The following PRIM2 variants were observed in gnomAD, a reference collection of about 807,000 sequenced individuals.
The protein encoded by PRIM2 is DNA primase large subunit.
In PRIM2, 39 loss-of-function variants were observed where a neutral mutation model predicts 67.3. The observed-to-expected ratio is 0.58, with a 90% CI of 0.45 to 0.76. PRIM2 has a LOEUF of 0.76. PRIM2 is among the 30% of genes least tolerant of loss of function. The pLI, the probability that PRIM2 is intolerant of heterozygous loss-of-function variation, is 0.00. For synonymous variants in PRIM2, 143 were observed against 198.7 expected (o/e 0.72, Z 2.36); for missense variants, 398 against 598.7 (o/e 0.66, Z 3.50).
At chr6:57,539,129 C>T (rs1324017952) in intron 10 of PRIM2, among the ~76,000 whole-genome samples, 9 of 152,106 alleles carry the variant, frequency 5.9e-5, no homozygotes, top group African/African-American at 2.2e-4. Context: ...AATGAAGTCA[C>T]TTAATAGGAT....
chr6:57,312,354 C>T (rs1031768622), upstream of PRIM2, among the ~76,000 whole-genome samples: 1 of 151,950 alleles, frequency 6.6e-6, no homozygotes, highest in African/African-American at 2.4e-5. Flanking sequence ...ATTTAAAAAT[C>T]AGCCAGTCTT....
chr6:57,519,283 C>G (rs1250277430), intron 8 of PRIM2, among the ~76,000 whole-genome samples: 1 of 152,180 alleles, frequency 6.6e-6, no homozygotes, highest in Admixed American at 6.5e-5. Context: ...TTGAGATCAA[C>G]TGGTCTGACC....
the PRIM2 span, among the ~76,000 whole-genome samples, chr6:57,293,892 C>A: frequency 6.6e-6 from 1 of 151,944 alleles, no homozygotes; most frequent in Admixed American, 6.6e-5. Flanking sequence ...GTGCAGCAAA[C>A]CAACATGGCA....
intron 8 of PRIM2, among the ~76,000 whole-genome samples, chr6:57,520,413 G>A (rs1197750350): frequency 6.6e-6 from 1 of 152,006 alleles, no homozygotes; most frequent in Non-Finnish European, 1.5e-5. Context: ...CTTTACTGTA[G>A]TCATTTGACT....
At chr6:57,459,867 A>G (rs1195664243) in intron 7 of PRIM2, among the ~76,000 whole-genome samples, 1 of 152,194 alleles carries the variant, frequency 6.6e-6, no homozygotes, top group African/African-American at 2.4e-5. Context: ...CTCGATTAGT[A>G]TTTGACCAAC....
At chr6:57,589,626 T>C (rs1328340489) in intron 10 of PRIM2, among the ~76,000 whole-genome samples, 1 of 152,244 alleles carries the variant, frequency 6.6e-6, no homozygotes, top group Non-Finnish European at 1.5e-5. Flanking sequence ...AGCAGACCGC[T>C]GTGCATCCAA....
chr6:57,366,155 A>G (rs1435747921), intron 5 of PRIM2, among the ~76,000 whole-genome samples: 1 of 152,106 alleles, frequency 6.6e-6, no homozygotes, highest in Non-Finnish European at 1.5e-5. Context: ...ATCTGGTGCA[A>G]CTTTGCAGAG....
intron 10 of PRIM2, among the ~76,000 whole-genome samples, chr6:57,562,799 C>T (rs1181542046): frequency 4.6e-5 from 7 of 152,118 alleles, no homozygotes; most frequent in East Asian, 1.9e-4. Flanking sequence ...TCTCTCATAC[C>T]GATGCTCTCA....
intron 8 of PRIM2, among the ~76,000 whole-genome samples, chr6:57,514,760 G>T (rs1554348053): frequency 6.6e-6 from 1 of 152,006 alleles, no homozygotes; most frequent in Non-Finnish European, 1.5e-5. Flanking sequence ...ACTATAATTG[G>T]TACTGATTAT....
chr6:57,448,329 G>A (rs1158433738), intron 7 of PRIM2, among the ~76,000 whole-genome samples: 1 of 152,038 alleles, frequency 6.6e-6, no homozygotes, highest in Non-Finnish European at 1.5e-5. Flanking sequence ...GTTTTTTGAG[G>A]CATCAACATA....
chr6:57,604,221 G>T (rs1300034805), intron 11 of PRIM2, among the ~76,000 whole-genome samples: 2 of 152,132 alleles, frequency 1.3e-5, no homozygotes, highest in Non-Finnish European at 2.9e-5. Context: ...GGAGGCAGAG[G>T]TTGCAGTTGG....
chr6:57,542,624 A>G (rs1268215245), intron 10 of PRIM2, among the ~76,000 whole-genome samples: 4 of 152,066 alleles, frequency 2.6e-5, no homozygotes, highest in African/African-American at 9.7e-5. Context: ...TTAGTTTTCT[A>G]GATAACATAT....
intron 7 of PRIM2, among the ~76,000 whole-genome samples, chr6:57,424,193 G>A (rs1771551066): frequency 1.3e-5 from 2 of 151,988 alleles, no homozygotes; most frequent in African/African-American, 4.8e-5. Context: ...TGTTTTTTCA[G>A]TGTTAGCTGT....
rs1233261839 is a variant in PRIM2, at chr6:57,595,619, G to A, written c.1021-5474G>A. ...CAACCCCCTTCTCAGGTTCAGTAAT[G>A]TGCTAGAGCAGCTCATAGAACTCAG... On this transcript the variant is annotated intron_variant, in intron 10 of 13. Coordinates refer to ENST00000615550, the MANE Select transcript of PRIM2 (RefSeq NM_000947.5). Among the ~76,000 whole-genome samples the A allele has an allele frequency of 3.9e-5, 6 of 152,246 alleles. No individual in the cohort carries two copies. In the East Asian group the frequency reaches 1.2e-3, roughly 29 times the overall value.
chr6:57,492,739 C>A lies in PRIM2; in HGVS notation c.694-14648C>A, dbSNP rs1773926281. The stretch of plus-strand genomic sequence containing the variant: ...TATGGCATATCTCAATTTGGACTAG[C>A]CACATTTCAAGAACTCAGTAGCCAC... On this transcript the variant is annotated intron_variant, in intron 7 of 13. Coordinates refer to ENST00000615550, the MANE Select transcript of PRIM2 (RefSeq NM_000947.5). Among the ~76,000 whole-genome samples, 3 of 152,186 alleles carry A rather than the reference C, an allele frequency of 2.0e-5. No individual in the cohort carries two copies. In the South Asian group the frequency reaches 6.2e-4, roughly 32 times the overall value.
chr6:57,231,331 G>A, the PRIM2 span, among the ~76,000 whole-genome samples: 4 of 152,152 alleles, frequency 2.6e-5, no homozygotes, highest in Non-Finnish European at 4.4e-5. Flanking sequence ...GTGGTAGGGA[G>A]GGGAAAGGGA....
chr6:57,364,482 A>G (rs1769291825), intron 5 of PRIM2, among the ~76,000 whole-genome samples: 1 of 152,156 alleles, frequency 6.6e-6, no homozygotes, highest in African/African-American at 2.4e-5. Context: ...CACACCATAT[A>G]TACTTTGGGT....
chr6:57,537,520 C>A lies in PRIM2; in HGVS notation c.915C>A (p.Gly305=). The A allele has an allele frequency of 6.3e-7, 1 of 1,578,954 alleles. No homozygotes were observed. Among genetic ancestry groups the A allele is most frequent in the Non-Finnish European group, 8.7e-7 (1 of 1,152,336 alleles). The part of the protein sequence containing the change: ...LRENHHLRHG[G]RMQYGLFLKG... ...AAAATCACCATCTTCGTCATGGAGG[C>A]CGAATGCAGTATGGCCTATTTCTGA... The change falls in exon 10 of 14, where the codon GGC becomes GGA. Residue 305 remains glycine, a synonymous_variant. Coordinates refer to ENST00000615550, the MANE Select transcript of PRIM2 (RefSeq NM_000947.5).
intron 10 of PRIM2, among the ~76,000 whole-genome samples, chr6:57,590,146 T>C (rs1776260676): frequency 6.6e-6 from 1 of 152,214 alleles, no homozygotes; most frequent in South Asian, 2.1e-4. Context: ...CTGTCCTCAC[T>C]GTGATTCGAT....
Sources: allele counts gnomAD v4.1 joint callset (sites outside exome capture counted in the v4.1 genomes callset), GRCh38; gene constraint gnomAD v4.1.1; transcripts MANE v1.5; gene names NCBI Gene and HGNC (gene_info 2026-07-23, HGNC 2026-07-21).